The following LIX1 variants were observed in gnomAD, a reference collection of about 807,000 sequenced individuals.
LIX1 encodes protein limb expression 1 homolog.
A neutral mutation model predicts 33.4 loss-of-function variants in LIX1; 24 were observed. The observed-to-expected ratio is 0.72, with a 90% confidence interval of 0.52 to 1.01. The LOEUF (loss-of-function observed/expected upper bound fraction) is 1.01. Among genes scored for constraint, LIX1 ranks in the 50% least tolerant of loss-of-function variants. LIX1 has a pLI of 0.00. For missense variants in LIX1, 311 were observed against 339.2 expected (o/e 0.92, Z 0.65); for synonymous variants, 124 against 124.0 (o/e 1.00, Z 0.00).
chr5:97,104,067 T>G, intron 4 of LIX1, among the ~76,000 whole-genome samples: 1 of 152,194 alleles, frequency 6.6e-6, no homozygotes, highest in East Asian at 1.9e-4. Flanking sequence ...ATAATATTTA[T>G]TTTTTAATAA....
chr5:97,109,575 T>C lies in LIX1; in HGVS notation c.247-2075A>G, dbSNP rs1740733192. On this transcript the variant is annotated intron_variant, in intron 2 of 5. Coordinates refer to ENST00000274382, the MANE Select transcript of LIX1 (RefSeq NM_153234.5). ...CTCATATATTTATTTCTTTTTTTAT[T>C]TTATTTTTTATTTCAATAGTTTTTG... Among the ~76,000 whole-genome samples, 3 of 152,106 alleles carry C rather than the reference T, an allele frequency of 2.0e-5. No homozygotes were observed. In the South Asian group the frequency reaches 6.2e-4, roughly 31 times the overall value.
intron 2 of LIX1, among the ~76,000 whole-genome samples, chr5:97,121,477 C>G (rs1312847676): frequency 6.6e-6 from 1 of 152,112 alleles, no homozygotes; most frequent in Non-Finnish European, 1.5e-5. Context: ...TCTTTTTGCT[C>G]TAAGTTCTAG....
rs1748308078 is a variant in LIX1 at position 97,142,372 on chromosome 5, A to T, written c.82+123T>A. 4.6e-6 allele frequency: 3 copies of T among 652,032 alleles called. No homozygotes were observed. In the East Asian group the frequency reaches 8.3e-5, roughly 18 times the overall value. 40.4% of individuals were successfully genotyped at this position (652,032 alleles called of 1,614,324 possible). On this transcript the variant is annotated intron_variant, in intron 1 of 5. Coordinates refer to ENST00000274382, the MANE Select transcript of LIX1 (RefSeq NM_153234.5). ...GCTGAAGTCAGGAACAAGTTAAAAT[A>T]TCACTTAGAACACAGCATACGACTG...
In LIX1 at chr5:97,133,608, T is replaced by C. The variant is rs766343048; in HGVS notation, c.82+8887A>G. The stretch of plus-strand genomic sequence containing the variant: ...CACATTGTGCTATTTATTTCCAAGA[T>C]AGGTGCAGAGTTCAGGGATAGAAAA... On this transcript the variant is annotated intron_variant, in intron 1 of 5. Transcript: ENST00000274382. 3.9e-5 allele frequency among the ~76,000 whole-genome samples: 6 copies of C among 152,372 alleles called. 1 individual carries two copies. Among genetic ancestry groups the C allele is most frequent in the Middle Eastern group, 3.4e-3 (1 of 294 alleles).
At chr5:97,140,513 T>A (rs919830717) in intron 1 of LIX1, among the ~76,000 whole-genome samples, 12 of 152,156 alleles carry the variant, frequency 7.9e-5, no homozygotes, top group Non-Finnish European at 1.5e-4. Flanking sequence ...AATAGGAGTG[T>A]GGTGGCAGCA....
At chr5:97,118,970 C>G (rs547235040) in intron 2 of LIX1, among the ~76,000 whole-genome samples, 1 of 152,252 alleles carries the variant, frequency 6.6e-6, no homozygotes, top group East Asian at 1.9e-4. Context: ...GCATAAAAAC[C>G]AGTGGTTTGT....
chr5:97,142,396 T>G, intron 1 of LIX1, 99 bp downstream of exon 1: 1 of 798,924 alleles, frequency 1.3e-6, no homozygotes, highest in Admixed American at 2.1e-5. Flanking sequence ...AGCATACGAC[T>G]GCAGAGATTT....
intron 3 of LIX1, among the ~76,000 whole-genome samples, chr5:97,106,096 AT>A (rs143436330): frequency 0.016 from 2,406 of 152,366 alleles, 58 homozygotes; most frequent in African/African-American, 0.055. Flanking sequence ...GAGGAAATCC[AT>A]CTAGAAGCAT....
intron 5 of LIX1, 66 bp from the exon 6 acceptor site, chr5:97,095,101 T>TC: frequency 1.4e-6 from 2 of 1,387,786 alleles, no homozygotes; most frequent in Non-Finnish European, 2.0e-6. Context: ...TCCACATGCC[T>TC]CCCCCTGCTT....
chr5:97,119,637 G>T (rs1217531186), intron 2 of LIX1, among the ~76,000 whole-genome samples: 1 of 152,106 alleles, frequency 6.6e-6, no homozygotes, highest in Non-Finnish European at 1.5e-5. Context: ...CTTAAAATAT[G>T]ATGATTTAAA....
intron 5 of LIX1, among the ~76,000 whole-genome samples, chr5:97,095,243 T>G (rs969623073): frequency 6.6e-6 from 1 of 152,184 alleles, no homozygotes; most frequent in Non-Finnish European, 1.5e-5. Flanking sequence ...CCACTCCAGG[T>G]TGAGTCAAAA....
chr5:97,101,496 T>C (rs1312597535), intron 4 of LIX1, among the ~76,000 whole-genome samples: 1 of 152,224 alleles, frequency 6.6e-6, no homozygotes, highest in East Asian at 1.9e-4. Flanking sequence ...ATTATCTAGC[T>C]GGTCCTGACC....
chr5:97,121,430 T>C (rs1188083324), intron 2 of LIX1, among the ~76,000 whole-genome samples: 7 of 152,182 alleles, frequency 4.6e-5, no homozygotes, highest in Admixed American at 2.6e-4. Flanking sequence ...ACCTCCAAAA[T>C]TTATCTGCAT....
intron 3 of LIX1, among the ~76,000 whole-genome samples, chr5:97,107,105 G>A (rs180778009): frequency 6.6e-6 from 1 of 152,198 alleles, no homozygotes; most frequent in African/African-American, 2.4e-5. Flanking sequence ...ACATATCCAG[G>A]TGGATCCAAT....
chr5:97,105,097 T>G, intron 4 of LIX1, 93 bp downstream of exon 4: 1 of 1,145,686 alleles, frequency 8.7e-7, no homozygotes. Flanking sequence ...ACCAAAAGAT[T>G]ATTGGGTCGG....
intron 2 of LIX1, among the ~76,000 whole-genome samples, chr5:97,111,747 A>T (rs1390447752): frequency 1.3e-5 from 2 of 152,210 alleles, no homozygotes; most frequent in Non-Finnish European, 2.9e-5. Flanking sequence ...GAAGCTATCT[A>T]TTTTAAATAA....
At chr5:97,116,085 G>A (rs940833046) in intron 2 of LIX1, among the ~76,000 whole-genome samples, 3 of 152,094 alleles carry the variant, frequency 2.0e-5, no homozygotes, top group Non-Finnish European at 2.9e-5. Context: ...GAGTTTGTGC[G>A]TACTGCCTGA....
At chr5:97,125,646 T>G (rs542720486) in intron 1 of LIX1, among the ~76,000 whole-genome samples, 70 of 152,310 alleles carry the variant, frequency 4.6e-4, no homozygotes, top group African/African-American at 1.5e-3. Context: ...CTCAAAAAGT[T>G]TATTTCCTTA....
chr5:97,107,016 G>A (rs1187670959), intron 3 of LIX1, among the ~76,000 whole-genome samples: 1 of 152,102 alleles, frequency 6.6e-6, no homozygotes, highest in East Asian at 1.9e-4. Context: ...TTTTCCACTA[G>A]ATTAAAGCAG....
Sources: allele counts gnomAD v4.1 joint callset (sites outside exome capture counted in the v4.1 genomes callset), GRCh38; gene constraint gnomAD v4.1.1; transcripts MANE v1.5; gene names NCBI Gene and HGNC (gene_info 2026-07-23, HGNC 2026-07-21).